SCHIP1: variants seen among roughly 807,000 people sequenced by gnomAD.
SCHIP1 encodes schwannomin-interacting protein 1.
In SCHIP1, 8 loss-of-function variants were observed where a neutral mutation model predicts 29.7. That is an observed-to-expected ratio of 0.27 (90% CI 0.16 to 0.49). The LOEUF (loss-of-function observed/expected upper bound fraction) is 0.49, where lower values mean the gene tolerates loss of function less well. SCHIP1 is among the 20% of genes least tolerant of loss of function. SCHIP1 has a pLI of 0.99. For missense variants in SCHIP1, 193 were observed against 294.6 expected (o/e 0.66, Z 2.52); for synonymous variants, 76 against 94.9 (o/e 0.80, Z 1.16).
At chr3:159,508,543 C>A in the SCHIP1 span, among the ~76,000 whole-genome samples, 3 of 152,112 alleles carry the variant, frequency 2.0e-5, no homozygotes, top group African/African-American at 7.2e-5. Flanking sequence ...TTCTCTAGTT[C>A]TTTTAATTGT....
At chr3:159,527,561 C>A in the SCHIP1 span, among the ~76,000 whole-genome samples, 1 of 152,190 alleles carries the variant, frequency 6.6e-6, no homozygotes, top group South Asian at 2.1e-4. Context: ...TTACTGCATG[C>A]TCTTTGGTGT....
the SCHIP1 span, among the ~76,000 whole-genome samples, chr3:159,723,852 C>A: frequency 8.5e-5 from 13 of 152,224 alleles, no homozygotes; most frequent in African/African-American, 3.1e-4. Context: ...CTAATACTTA[C>A]AACCAAAAGA....
At chr3:159,679,741 G>C in the SCHIP1 span, among the ~76,000 whole-genome samples, 1 of 151,990 alleles carries the variant, frequency 6.6e-6, no homozygotes, top group Non-Finnish European at 1.5e-5. Flanking sequence ...AGTGTGCCCC[G>C]CTGGCGCACC....
At chr3:159,532,059 T>A in the SCHIP1 span, among the ~76,000 whole-genome samples, 1 of 152,196 alleles carries the variant, frequency 6.6e-6, no homozygotes, top group African/African-American at 2.4e-5. Flanking sequence ...CTCTAGCTTA[T>A]TATTTTATAA....
the SCHIP1 span, among the ~76,000 whole-genome samples, chr3:159,691,982 T>C: frequency 9.9e-5 from 15 of 151,610 alleles, no homozygotes; most frequent in Non-Finnish European, 2.1e-4. Flanking sequence ...CTTAGTCTGA[T>C]GGGCTGCCCT....
chr3:159,557,234 A>G, the SCHIP1 span, among the ~76,000 whole-genome samples: 1 of 152,164 alleles, frequency 6.6e-6, no homozygotes, highest in Non-Finnish European at 1.5e-5. Flanking sequence ...AGATTCTTAA[A>G]TTGTACTTAT....
the SCHIP1 span, among the ~76,000 whole-genome samples, chr3:159,356,055 A>G: frequency 2.6e-5 from 4 of 152,096 alleles, no homozygotes; most frequent in Admixed American, 6.5e-5. Flanking sequence ...GTATCACCAC[A>G]CTGTCTTCCA....
the SCHIP1 span, among the ~76,000 whole-genome samples, chr3:159,568,983 C>T: frequency 2.0e-5 from 3 of 152,120 alleles, no homozygotes; most frequent in Admixed American, 2.0e-4. Context: ...ATCTCTTTAA[C>T]TCTGAAAATC....
the SCHIP1 span, among the ~76,000 whole-genome samples, chr3:159,281,295 C>T: frequency 2.0e-5 from 3 of 152,150 alleles, no homozygotes; most frequent in African/African-American, 7.2e-5. Flanking sequence ...TATTCATTCC[C>T]TGTAATTAAT....
the SCHIP1 span, among the ~76,000 whole-genome samples, chr3:159,367,383 C>G: frequency 1.3e-5 from 2 of 149,612 alleles, no homozygotes; most frequent in South Asian, 4.2e-4. Context: ...GGCAACAAGA[C>G]CAAAAACTCC....
At chr3:159,273,373 C>T in the SCHIP1 span, 2 of 995,726 alleles carry the variant, frequency 2.0e-6, no homozygotes, top group Non-Finnish European at 2.4e-6. Flanking sequence ...GAATTCTTAA[C>T]TCTATTTTAT....
At chr3:159,673,557 T>G in the SCHIP1 span, among the ~76,000 whole-genome samples, 5 of 152,216 alleles carry the variant, frequency 3.3e-5, no homozygotes, top group Non-Finnish European at 5.9e-5. Context: ...AGGAAAGAAC[T>G]TTGGAAAGTT....
intron 2 of SCHIP1, among the ~76,000 whole-genome samples, chr3:159,868,772 C>T (rs541688638): frequency 1.3e-5 from 2 of 152,064 alleles, no homozygotes; most frequent in South Asian, 4.1e-4. Context: ...TTGTATATGT[C>T]TTCTGCTATA....
the SCHIP1 span, among the ~76,000 whole-genome samples, chr3:159,456,300 TTCTC>T: frequency 6.7e-6 from 1 of 148,436 alleles, no homozygotes; most frequent in Non-Finnish European, 1.5e-5. Context: ...TCTGTGTCTT[TTCTC>T]TATGTTGAGG....
the SCHIP1 span, among the ~76,000 whole-genome samples, chr3:159,360,847 T>C: frequency 6.6e-6 from 1 of 152,198 alleles, no homozygotes; most frequent in Non-Finnish European, 1.5e-5. Context: ...TGGTGTACAA[T>C]GCTGGAAATT....
chr3:159,347,828 C>G, the SCHIP1 span, among the ~76,000 whole-genome samples: 2 of 151,984 alleles, frequency 1.3e-5, no homozygotes, highest in Non-Finnish European at 2.9e-5. Flanking sequence ...AATAGCCCTA[C>G]AAAGGAGAGA....
the SCHIP1 span, among the ~76,000 whole-genome samples, chr3:159,624,122 T>C: frequency 6.6e-6 from 1 of 152,220 alleles, no homozygotes; most frequent in Admixed American, 6.5e-5. Flanking sequence ...ATGGTTACTC[T>C]TTATTGGCCC....
chr3:159,633,228 C>T, the SCHIP1 span, among the ~76,000 whole-genome samples: 1 of 152,222 alleles, frequency 6.6e-6, no homozygotes, highest in Non-Finnish European at 1.5e-5. Context: ...ACACTTTCTA[C>T]TGCAGGTATC....
At chr3:159,511,430 C>T in the SCHIP1 span, among the ~76,000 whole-genome samples, 1 of 152,172 alleles carries the variant, frequency 6.6e-6, no homozygotes, top group Non-Finnish European at 1.5e-5. Context: ...TGAAGCAATG[C>T]CTCGCCCTGC....
Sources: allele counts gnomAD v4.1 joint callset (sites outside exome capture counted in the v4.1 genomes callset), GRCh38; gene constraint gnomAD v4.1.1; transcripts MANE v1.5; gene names NCBI Gene and HGNC (gene_info 2026-07-23, HGNC 2026-07-21).